The following CCDC150 variants were observed in gnomAD, a reference collection of about 807,000 sequenced individuals.
CCDC150 encodes coiled-coil domain-containing protein 150.
CCDC150 carries 151 observed loss-of-function variants against 156.5 expected under a neutral mutation model. The observed-to-expected ratio is 0.97, with a 90% CI of 0.85 to 1.10. The LOEUF is 1.10. Among genes scored for constraint, CCDC150 ranks in the 50% least tolerant of loss-of-function variants. The pLI, the probability that CCDC150 is intolerant of heterozygous loss-of-function variation, is 0.00. For synonymous variants in CCDC150, 452 were observed against 429.4 expected, an observed-to-expected ratio of 1.05 and a Z score of -0.65; for missense variants, 1,312 against 1,268.1, an observed-to-expected ratio of 1.03 and a Z score of -0.53.
intron 13 of CCDC150, among the ~76,000 whole-genome samples, chr2:196,685,668 G>GCCA (rs1387881009): frequency 1.3e-5 from 2 of 151,328 alleles, no homozygotes; most frequent in African/African-American, 2.4e-5. Flanking sequence ...CTGGAGTGCA[G>GCCA]CGGTGCCATC....
intron 2 of CCDC150, among the ~76,000 whole-genome samples, chr2:196,648,234 A>G (rs1190080598): frequency 6.6e-6 from 1 of 152,132 alleles, no homozygotes; most frequent in Admixed American, 6.5e-5. Context: ...CAAAATGGCT[A>G]TACTAATTTG....
chr2:196,646,599 A>G, intron 2 of CCDC150, 95 bp downstream of exon 2: 1 of 877,074 alleles, frequency 1.1e-6, no homozygotes, highest in East Asian at 2.5e-5. Context: ...GATATTTGCA[A>G]AAGAACTGAG....
At position 196,674,263 on chromosome 2, in the gene CCDC150, A is replaced by C. The variant is rs754527246; in HGVS notation, c.1052A>C (p.Lys351Thr). ...KAQVLNDQLTKKCSELSCMLQ... is the reference protein window; with the variant it reads ...KAQVLNDQLTTKCSELSCMLQ... ...TAGGTTTTGAATGACCAATTGACTA[A>C]AAAGTGTTCAGAGTTGAGCTGCATG... is the stretch of plus-strand genomic sequence containing the variant. Residue 351 changes from lysine (K) to threonine (T), a missense_variant, in exon 10 of 28, where the codon AAA becomes ACA. Physicochemically the swap from Lys to Thr is moderately conservative, Grantham distance 78. Transcript: ENST00000389175. 2 of 1,600,446 alleles carry C rather than the reference A, an allele frequency of 1.2e-6. No individual in the cohort carries two copies. Among genetic ancestry groups the C allele is most frequent in the African/African-American group, 2.7e-5 (2 of 74,806 alleles).
chr2:196,721,817 A>C lies in CCDC150; in HGVS notation c.2429+126A>C. 9 of 735,254 alleles carry C rather than the reference A, an allele frequency of 1.2e-5. No homozygotes were observed. In the South Asian group the frequency reaches 2.1e-4, roughly 17 times the overall value. The allele number at this position is 735,254 out of a possible 1,614,324, so 45.5% of individuals were successfully genotyped here. On this transcript the variant is annotated intron_variant, in intron 21 of 27. Transcript: ENST00000389175. ...TCTCCTACTTTGCCCTAGTACTTCC[A>C]GCAGAGCCATGTTAAGAACCAGGCA...
chr2:196,687,612 A>G (rs575212320), intron 13 of CCDC150, among the ~76,000 whole-genome samples: 44 of 152,224 alleles, frequency 2.9e-4, no homozygotes, highest in Non-Finnish European at 3.7e-4. Flanking sequence ...ATTAGATCCC[A>G]TTTGTCAATT....
chr2:196,670,504 T>TA (rs969604487), intron 8 of CCDC150, among the ~76,000 whole-genome samples: 13 of 151,892 alleles, frequency 8.6e-5, no homozygotes, highest in Non-Finnish European at 2.9e-5. Flanking sequence ...AAGCCCCACC[T>TA]ACAATGCACA....
Position 196,668,025 on chromosome 2 carries a change from C to A in CCDC150, c.892+1177C>A, listed in dbSNP as rs1000500210. On this transcript the variant is annotated intron_variant, in intron 7 of 27. Coordinates refer to ENST00000389175, the MANE Select transcript of CCDC150 (RefSeq NM_001080539.2). ...TATAGAAGATACAAAAGGGGTTGAG[C>A]GTGGTGGCTCAGCCTGTAATCCCAG... 3 of 152,106 alleles carry A rather than the reference C, an allele frequency of 2.0e-5. No individual in the cohort carries two copies. In the East Asian group the frequency reaches 5.8e-4, roughly 29 times the overall value. 9.4% of individuals were successfully genotyped at this position (152,106 alleles called of 1,614,324 possible). A position where few individuals can be genotyped will look rare whatever the true frequency, so the allele number is the denominator to read the frequency against.
chr2:196,698,816 A>G lies in CCDC150; in HGVS notation c.1624-2293A>G, dbSNP rs562142811. Among the ~76,000 whole-genome samples the G allele has an allele frequency of 3.3e-4, 50 of 152,260 alleles. No individual in the cohort carries two copies. The South Asian group carries it at 7.9e-3, about 24-fold the overall frequency. Reference sequence around the variant, plus strand: ...TAACTCGTCGTTTAACATTAGGTATATCTCCTAATGCTATCCCTCCCCCCT... The same window carrying G: ...TAACTCGTCGTTTAACATTAGGTATGTCTCCTAATGCTATCCCTCCCCCCT... On this transcript the variant is annotated intron_variant, in intron 14 of 27. Transcript: ENST00000389175.
intron 14 of CCDC150, among the ~76,000 whole-genome samples, chr2:196,699,068 G>T (rs2125660397): frequency 6.6e-6 from 1 of 152,254 alleles, no homozygotes; most frequent in Non-Finnish European, 1.5e-5. Context: ...AAAGAGCACT[G>T]TGTTTTCCGC....
chr2:196,647,735 C>T (rs1399595265), intron 2 of CCDC150, among the ~76,000 whole-genome samples: 1 of 152,154 alleles, frequency 6.6e-6, no homozygotes, highest in Non-Finnish European at 1.5e-5. Context: ...CGTCACCTCA[C>T]ATACTTATTT....
At chr2:196,670,785 T>C (rs1416607052) in intron 8 of CCDC150, among the ~76,000 whole-genome samples, 1 of 152,168 alleles carries the variant, frequency 6.6e-6, no homozygotes, top group East Asian at 1.9e-4. Flanking sequence ...ATTTAGGCTA[T>C]GGTTTTAGGC....
rs1041947149 is a variant in CCDC150, at chr2:196,718,759, C to A, written c.1995+128C>A. The A allele has an allele frequency of 2.4e-6, 3 of 1,232,738 alleles. No individual in the cohort carries two copies. In the African/African-American group the frequency reaches 4.6e-5, roughly 19 times the overall value. 76.4% of individuals were successfully genotyped at this position (1,232,738 alleles called of 1,614,324 possible). A position where few individuals can be genotyped will look rare whatever the true frequency, so the allele number is the denominator to read the frequency against. ...ATTGATCAGGGGAGGATTTCTTTTTCTGGAGAAAAGATAATTTTAGAATAG... is the reference window on the plus strand; with the variant it reads ...ATTGATCAGGGGAGGATTTCTTTTTATGGAGAAAAGATAATTTTAGAATAG... On this transcript the variant is annotated intron_variant, in intron 18 of 27. Transcript: ENST00000389175.
At chr2:196,713,441 A>G in intron 17 of CCDC150, 1 of 1,550,906 alleles carries the variant, frequency 6.4e-7, no homozygotes, top group Non-Finnish European at 8.7e-7. Context: ...AAACAGTATA[A>G]AGGAAAGAAC....
At chr2:196,681,173 C>T (rs956831834) in intron 13 of CCDC150, among the ~76,000 whole-genome samples, 3 of 152,114 alleles carry the variant, frequency 2.0e-5, no homozygotes, top group East Asian at 1.9e-4. Context: ...ATGGATTTAC[C>T]TATTCTGGAT....
chr2:196,732,236 C>T lies in CCDC150; in HGVS notation c.3189+84C>T, dbSNP rs1447704480. The T allele has an allele frequency of 1.9e-5, 28 of 1,442,784 alleles. No individual in the cohort carries two copies. The East Asian group carries it at 5.0e-4, about 26-fold the overall frequency. The allele number at this position is 1,442,784 out of a possible 1,614,324, so 89.4% of individuals were successfully genotyped here. A position where few individuals can be genotyped will look rare whatever the true frequency, so the allele number is the denominator to read the frequency against. ...AATTACCGAAGTTCTCTCATCATCT[C>T]GATACTCTCTCTTTTAATCTTTAGT... On this transcript the variant is annotated intron_variant, in intron 27 of 27. Coordinates refer to ENST00000389175, the MANE Select transcript of CCDC150 (RefSeq NM_001080539.2).
chr2:196,674,923 C>T (rs919817333), intron 10 of CCDC150, among the ~76,000 whole-genome samples: 4 of 152,132 alleles, frequency 2.6e-5, no homozygotes, highest in African/African-American at 9.7e-5. Flanking sequence ...CATATTACCT[C>T]CTTTAATTGT....
chr2:196,669,770 C>A (rs529366143), intron 7 of CCDC150, 63 bp from the exon 8 acceptor site: 3 of 1,079,186 alleles, frequency 2.8e-6, no homozygotes, highest in Non-Finnish European at 4.3e-6. Context: ...TAAAGCTTCT[C>A]ACTATGTGAT....
At chr2:196,716,493 C>CA (rs1368943915) in intron 17 of CCDC150, among the ~76,000 whole-genome samples, 1 of 151,984 alleles carries the variant, frequency 6.6e-6, no homozygotes, top group Non-Finnish European at 1.5e-5. Context: ...AGAAGTTATT[C>CA]AAAAAAGAGT....
rs79341698 is a variant in CCDC150 at position 196,729,259 on chromosome 2, C to T, written c.2623C>T (p.Arg875Ter). 3.1e-6 allele frequency: 5 copies of T among 1,613,442 alleles called. No individual in the cohort carries two copies. Among genetic ancestry groups the T allele is most frequent in the African/African-American group, 2.7e-5 (2 of 74,836 alleles). The change falls in exon 23 of 28, where the codon CGA becomes TGA. Residue 875 changes from arginine to a stop codon, truncating the protein, a stop_gained. Coordinates refer to ENST00000389175, the MANE Select transcript of CCDC150 (RefSeq NM_001080539.2). LOFTEE classifies it high-confidence loss of function. ...VEVSRTNREL[R>*]QKLAELEKIL... is the part of the protein sequence containing the mutation. ...AGTGTCCCGGACCAACCGAGAGCTG[C>T]GACAGAAACTTGCAGAGCTAGAAAA... is the stretch of plus-strand genomic sequence containing the variant.
Sources: allele counts gnomAD v4.1 joint callset (sites outside exome capture counted in the v4.1 genomes callset), GRCh38; gene constraint gnomAD v4.1.1; transcripts MANE v1.5; gene names NCBI Gene and HGNC (gene_info 2026-07-23, HGNC 2026-07-21).